Variants in HDAC9 observed in about 807,000 individuals in gnomAD.
HDAC9 encodes histone deacetylase 9.
HDAC9 carries 41 observed loss-of-function variants against 139.4 expected under a neutral mutation model. The observed-to-expected ratio is 0.29, with a 90% CI of 0.23 to 0.38. The LOEUF is 0.38. Among genes scored for constraint, HDAC9 ranks in the 10% least tolerant of loss-of-function variants. HDAC9 has a pLI of 1.00. For synonymous variants in HDAC9, 517 were observed against 476.2 expected (o/e 1.09, Z -1.12); for missense variants, 1,147 against 1,297.0 (o/e 0.88, Z 1.78).
rs1791717477 is a variant in HDAC9 at position 18,786,381 on chromosome 7, A to G, written c.2215-6964A>G. 1.3e-5 allele frequency among the ~76,000 whole-genome samples: 2 copies of G among 152,038 alleles called. 1 individual carries two copies. The highest frequency in any genetic ancestry group is 1.3e-4 in the Admixed American group (2 of 15,260). ...AGAGGAGTATCTTCCTAATTATTTT[A>G]GGAGCTTCAGGTAATGCCTAATGTG... On this transcript the variant is annotated intron_variant, in intron 16 of 25. Coordinates refer to ENST00000686413, the MANE Select transcript of HDAC9 (RefSeq NM_178425.4).
chr7:18,560,549 C>T (rs747521164), intron 2 of HDAC9, among the ~76,000 whole-genome samples: 3 of 152,170 alleles, frequency 2.0e-5, no homozygotes, highest in Non-Finnish European at 4.4e-5. Context: ...TGTTGTGCCC[C>T]GTGCTCATCT....
In HDAC9 at chr7:18,648,554, C is replaced by G. The variant is rs975717829; in HGVS notation, c.1338C>G (p.His446Gln). ...GIRGTHKLPR[H>Q]RPLNRTQSAP... The stretch of plus-strand genomic sequence containing the variant: ...GAGGTACCCACAAATTGCCCCGTCA[C>G]AGACCCCTGAACCGAACCCAGTCTG... The change falls in exon 11 of 26, where the codon CAC becomes CAG. Residue 446 changes from histidine (H) to glutamine (Q), a missense_variant. By Grantham distance (24) the His-to-Gln change is conservative. Coordinates refer to ENST00000686413, the MANE Select transcript of HDAC9 (RefSeq NM_178425.4). 6.2e-7 allele frequency: 1 copy of G among 1,613,680 alleles called. No homozygotes were observed. Among genetic ancestry groups the G allele is most frequent in the Non-Finnish European group, 8.5e-7 (1 of 1,179,754 alleles).
chr7:18,686,619 A>C (rs1782292082), intron 12 of HDAC9, among the ~76,000 whole-genome samples: 1 of 151,934 alleles, frequency 6.6e-6, no homozygotes, highest in Non-Finnish European at 1.5e-5. Flanking sequence ...CACCTCTTAG[A>C]ATATCTAGAG....
At position 18,975,839 on chromosome 7, in the gene HDAC9, T is replaced by C. The variant is rs2129337768; in HGVS notation, c.3056T>C (p.Val1019Ala). ...TGGAAGTCAGTAAGGATGGTGGCTG[T>C]GCCAAGGGGCTGTGCTCTGGCTGGT... ...KYWKSVRMVA[V>A]PRGCALAGAQ... is the part of the protein sequence containing the mutation. Residue 1019 changes from valine to alanine, a missense_variant, in exon 25 of 26, where the codon GTG becomes GCG. Physicochemically the swap from Val to Ala is moderately conservative, Grantham distance 64. This residue lies in a region of HDAC9 where 407 missense variants were observed against 521.5 expected (regional missense o/e 0.78). Transcript: ENST00000686413. 1 of 1,613,912 alleles carries C rather than the reference T, an allele frequency of 6.2e-7. No homozygotes were observed. Among genetic ancestry groups the C allele is most frequent in the South Asian group, 1.1e-5 (1 of 91,080 alleles).
chr7:18,817,007 C>T (rs1002506779), intron 17 of HDAC9, among the ~76,000 whole-genome samples: 2 of 150,724 alleles, frequency 1.3e-5, no homozygotes, highest in Admixed American at 6.6e-5. Flanking sequence ...TATAAATAAA[C>T]GACTTAATAT....
intron 13 of HDAC9, among the ~76,000 whole-genome samples, chr7:18,743,552 G>T (rs1787646684): frequency 6.7e-6 from 1 of 150,048 alleles, no homozygotes; most frequent in Non-Finnish European, 1.5e-5. Flanking sequence ...AAATGCTGCA[G>T]ATAGTTATCA....
At chr7:18,770,589 C>T (rs1427675451) in intron 16 of HDAC9, among the ~76,000 whole-genome samples, 1 of 152,118 alleles carries the variant, frequency 6.6e-6, no homozygotes, top group Non-Finnish European at 1.5e-5. Context: ...ATGATAATGT[C>T]GTCATCAGCT....
chr7:18,784,073 C>A (rs1225690304), intron 16 of HDAC9, among the ~76,000 whole-genome samples: 1 of 151,886 alleles, frequency 6.6e-6, no homozygotes, highest in African/African-American at 2.4e-5. Context: ...GTGGCTACTT[C>A]TTTAGCCCTA....
intron 2 of HDAC9, among the ~76,000 whole-genome samples, chr7:18,516,877 A>AG (rs1416549092): frequency 6.6e-6 from 1 of 151,498 alleles, no homozygotes; most frequent in African/African-American, 2.4e-5. Flanking sequence ...AAAAAAAAAA[A>AG]AAAAAAAAGA....
intron 2 of HDAC9, among the ~76,000 whole-genome samples, chr7:18,168,160 C>T (rs535345492): frequency 6.6e-6 from 1 of 152,198 alleles, no homozygotes; most frequent in South Asian, 2.1e-4. Flanking sequence ...ATTATATGTC[C>T]TTAATTAGTG....
intron 2 of HDAC9, among the ~76,000 whole-genome samples, chr7:18,261,220 A>G (rs1249778649): frequency 1.3e-5 from 2 of 151,996 alleles, no homozygotes; most frequent in Non-Finnish European, 2.9e-5. Context: ...AGGTGAGAGG[A>G]TTGGTTGAGC....
intron 2 of HDAC9, among the ~76,000 whole-genome samples, chr7:18,179,709 G>T (rs1037040088): frequency 6.6e-6 from 1 of 152,130 alleles, no homozygotes; most frequent in Non-Finnish European, 1.5e-5. Context: ...CTTAGTAAAA[G>T]CCCAAGGACT....
intron 1 of HDAC9, among the ~76,000 whole-genome samples, chr7:18,469,046 A>G (rs1402172663): frequency 3.9e-5 from 6 of 152,184 alleles, no homozygotes; most frequent in Non-Finnish European, 7.3e-5. Flanking sequence ...CACCTACTCT[A>G]CATTGATTCA....
intron 17 of HDAC9, among the ~76,000 whole-genome samples, chr7:18,807,816 C>G (rs1259231455): frequency 6.6e-6 from 1 of 152,086 alleles, no homozygotes; most frequent in Non-Finnish European, 1.5e-5. Flanking sequence ...CTTCATAAAT[C>G]TGTTAAGACT....
intron 1 of HDAC9, among the ~76,000 whole-genome samples, chr7:18,379,889 A>G (rs1785285124): frequency 6.6e-6 from 1 of 152,166 alleles, no homozygotes; most frequent in South Asian, 2.1e-4. Context: ...ATCAGTTAGA[A>G]CTTCCTGGAA....
chr7:18,761,870 AC>A (rs1789421433), intron 14 of HDAC9, among the ~76,000 whole-genome samples: 2 of 152,352 alleles, frequency 1.3e-5, no homozygotes, highest in Admixed American at 6.5e-5. Context: ...CTGATACTTT[AC>A]AAAAGAGTTA....
Position 18,129,260 on chromosome 7 carries a change from G to T in HDAC9, c.-96-32969G>T, listed in dbSNP as rs574814443. On this transcript the variant is annotated intron_variant, in intron 1 of 12. Coordinates refer to the HDAC9 transcript ENST00000417496. ...TCTATTGAAAAACAGTTTTTAAACT[G>T]ATATACCATGGAAATTATTTTTTCA... Among the ~76,000 whole-genome samples, 38 of 152,178 alleles carry T rather than the reference G, an allele frequency of 2.5e-4. No individual in the cohort carries two copies. The East Asian group carries it at 7.2e-3, about 29-fold the overall frequency.
intron 17 of HDAC9, among the ~76,000 whole-genome samples, chr7:18,797,248 A>G (rs73310570): frequency 6.6e-6 from 1 of 152,198 alleles, no homozygotes. Flanking sequence ...CAACCACTCT[A>G]TCAGGACATT....
chr7:18,685,449 ATCT>A (rs1782201833), intron 12 of HDAC9, among the ~76,000 whole-genome samples: 1 of 151,982 alleles, frequency 6.6e-6, no homozygotes, highest in Non-Finnish European at 1.5e-5. Context: ...GTTAATCCTG[ATCT>A]TCATCGAAAG....
Sources: gnomAD v4.1 joint callset for allele counts (sites outside exome capture counted in the v4.1 genomes callset) on GRCh38, gnomAD v4.1.1 for gene constraint, gnomAD v4.1.1 regional missense constraint, MANE v1.5 for transcripts, NCBI Gene and HGNC (gene_info 2026-07-23, HGNC 2026-07-21) for gene names.